IL18R1: variants seen among roughly 807,000 people sequenced by gnomAD.
The protein encoded by IL18R1 is interleukin-18 receptor 1.
Under a neutral mutation model 48.5 loss-of-function variants are expected in IL18R1, and 40 were observed. The observed-to-expected ratio is 0.82, with a 90% CI of 0.64 to 1.07. IL18R1 has a LOEUF of 1.07. Among genes scored for constraint, IL18R1 ranks in the 50% least tolerant of loss-of-function variants. The probability of loss-of-function intolerance (pLI) is 0.00; values close to 1 mark genes in which losing one functional copy is unlikely to be tolerated. For missense variants in IL18R1, 596 were observed against 633.7 expected (o/e 0.94, Z 0.64); for synonymous variants, 232 against 225.9 (o/e 1.03, Z -0.24).
chr2:102,383,864 G>A (rs905392447), intron 6 of IL18R1, among the ~76,000 whole-genome samples: 3 of 151,832 alleles, frequency 2.0e-5, no homozygotes, highest in Non-Finnish European at 4.4e-5. Flanking sequence ...CCATCCACTT[G>A]TTTATCTTTT....
In IL18R1 at chr2:102,397,944, A is replaced by G. The variant is rs1221903920; in HGVS notation, c.*1058A>G. On this transcript the variant is annotated 3_prime_UTR_variant, in exon 11 of 11. Coordinates refer to ENST00000233957, the MANE Select transcript of IL18R1 (RefSeq NM_003855.5). ...CTACCTCCCAGGGGTAACTAAATGAATAAATATAATAAAGTACTTACAGTG... is the reference window on the plus strand; with the variant it reads ...CTACCTCCCAGGGGTAACTAAATGAGTAAATATAATAAAGTACTTACAGTG... 3 of 152,216 alleles carry G rather than the reference A, an allele frequency of 2.0e-5. No individual in the cohort carries two copies. Among genetic ancestry groups the G allele is most frequent in the African/African-American group, 4.8e-5 (2 of 41,440 alleles). 9.4% of individuals were successfully genotyped at this position (152,216 alleles called of 1,614,324 possible). A position where few individuals can be genotyped will look rare whatever the true frequency, so the allele number is the denominator to read the frequency against.
At chr2:102,386,815 G>A (rs1680256484) in intron 7 of IL18R1, 46 bp from the exon 8 acceptor site, 2 of 1,599,198 alleles carry the variant, frequency 1.3e-6, no homozygotes, top group Non-Finnish European at 1.7e-6. Context: ...CCCCTCTCAA[G>A]GGTAACGAAC....
chr2:102,369,394 A>G (rs1392623714), intron 3 of IL18R1, among the ~76,000 whole-genome samples: 2 of 152,232 alleles, frequency 1.3e-5, no homozygotes, highest in Admixed American at 1.3e-4. Flanking sequence ...GCAACAATGG[A>G]AGCAAGAGAT....
intron 1 of IL18R1, among the ~76,000 whole-genome samples, chr2:102,360,299 T>G (rs1678497282): frequency 6.6e-6 from 1 of 152,268 alleles, no homozygotes; most frequent in Non-Finnish European, 1.5e-5. Context: ...AGTCTTGCTC[T>G]GTCACCTAGG....
chr2:102,358,597 C>G (rs1678392634), intron 1 of IL18R1, among the ~76,000 whole-genome samples: 1 of 152,128 alleles, frequency 6.6e-6, no homozygotes, highest in Non-Finnish European at 1.5e-5. Flanking sequence ...CCTGAGAATA[C>G]AAATAAGTGC....
intron 5 of IL18R1, among the ~76,000 whole-genome samples, chr2:102,376,713 TGTGTGTG>T: frequency 6.6e-6 from 1 of 152,188 alleles, no homozygotes; most frequent in African/African-American, 2.4e-5. Flanking sequence ...GGACCCAGGC[TGTGTGTG>T]ATGGAGGAAC....
At chr2:102,371,671 T>C (rs571733679) in intron 3 of IL18R1, among the ~76,000 whole-genome samples, 2 of 152,272 alleles carry the variant, frequency 1.3e-5, no homozygotes, top group Admixed American at 6.5e-5. Context: ...ATCCATAATA[T>C]ATTGTCTGCA....
At chr2:102,366,936 C>G (rs1678934072) in intron 2 of IL18R1, among the ~76,000 whole-genome samples, 1 of 152,198 alleles carries the variant, frequency 6.6e-6, no homozygotes, top group South Asian at 2.1e-4. Flanking sequence ...CTTTGAGAAA[C>G]AAACCCTGAC....
chr2:102,385,288 A>C (rs1680164500), intron 7 of IL18R1, among the ~76,000 whole-genome samples: 1 of 152,140 alleles, frequency 6.6e-6, no homozygotes, highest in Admixed American at 6.5e-5. Context: ...TCCGATGGGG[A>C]TGGGGATTTT....
At chr2:102,365,542 G>A (rs1371922087) in intron 2 of IL18R1, among the ~76,000 whole-genome samples, 1 of 152,170 alleles carries the variant, frequency 6.6e-6, no homozygotes, top group Non-Finnish European at 1.5e-5. Context: ...GGTGCAAGCT[G>A]TCAGTGAATC....
intron 3 of IL18R1, among the ~76,000 whole-genome samples, chr2:102,368,495 A>G (rs1362427406): frequency 6.6e-6 from 1 of 152,180 alleles, no homozygotes; most frequent in African/African-American, 2.4e-5. Flanking sequence ...GGGTTGATGC[A>G]GAAACACCCT....
Position 102,362,690 on chromosome 2 carries a change from T to G in IL18R1, c.30T>G (p.Leu10=). The G allele has an allele frequency of 6.2e-7, 1 of 1,606,392 alleles. No individual in the cohort carries two copies. Among genetic ancestry groups the G allele is most frequent in the Non-Finnish European group, 8.5e-7 (1 of 1,176,102 alleles). ...ATTGTAGAGAATTACCCTTGACCCT[T>G]TGGGTGCTTATATCTGTAAGCACTG... MNCRELPLT[L]WVLISVSTAE... is the part of the protein sequence containing the mutation. Residue 10 remains leucine (L), a synonymous_variant, in exon 2 of 11, where the codon CTT becomes CTG. Coordinates refer to ENST00000233957, the MANE Select transcript of IL18R1 (RefSeq NM_003855.5).
At position 102,372,062 on chromosome 2, in the gene IL18R1, A is replaced by C. The variant is rs1173160470; in HGVS notation, c.412A>C (p.Ile138Leu). Residue 138 changes from isoleucine (I) to leucine (L), a missense_variant, in exon 4 of 11, where the codon ATA becomes CTA. Physicochemically the swap from Ile to Leu is conservative, Grantham distance 5. Transcript: ENST00000233957. ...TGTGGAAGTTAAAAAATTTTTTCAG[A>C]TAACCTGTGAAAACAGTTACTATCA... ...KIVEVKKFFQITCENSYYQTL... is the reference protein window; with the variant it reads ...KIVEVKKFFQLTCENSYYQTL... The C allele has an allele frequency of 6.2e-7, 1 of 1,609,782 alleles. No homozygotes were observed. The highest frequency in any genetic ancestry group is 1.7e-5 in the Admixed American group (1 of 58,978).
rs556581556 is a variant in IL18R1 at position 102,381,691 on chromosome 2, C to A, written c.688+9C>A. On this transcript the variant is annotated intron_variant, in intron 6 of 10. Transcript: ENST00000233957. ...TGTTGCAGTGGAATTAGGTATATTT[C>A]AATATACATATATTCTGCATTTATA... is the stretch of plus-strand genomic sequence containing the variant. 7.6e-6 allele frequency: 12 copies of A among 1,571,446 alleles called. No individual in the cohort carries two copies. The South Asian group carries it at 1.1e-4, about 15-fold the overall frequency.
chr2:102,366,381 G>A (rs1369114129), intron 2 of IL18R1, among the ~76,000 whole-genome samples: 2 of 152,152 alleles, frequency 1.3e-5, no homozygotes, highest in Non-Finnish European at 2.9e-5. Flanking sequence ...CCTCAGCCTG[G>A]ACTTTATTGT....
intron 7 of IL18R1, among the ~76,000 whole-genome samples, chr2:102,385,790 A>T (rs1680189685): frequency 6.6e-6 from 1 of 152,174 alleles, no homozygotes; most frequent in Non-Finnish European, 1.5e-5. Flanking sequence ...AAATTTGTGG[A>T]TCTCCTGCCA....
chr2:102,377,517 C>T (rs545023661), intron 5 of IL18R1, among the ~76,000 whole-genome samples: 3 of 152,272 alleles, frequency 2.0e-5, no homozygotes, highest in South Asian at 2.1e-4. Context: ...GGGGTTTCAC[C>T]GTGTTAGCCA....
Position 102,355,821 on chromosome 2 carries a change from G to A in IL18R1, c.-608G>A, listed in dbSNP as rs1336449069. The A allele has an allele frequency of 6.6e-6, 1 of 152,274 alleles. No individual in the cohort carries two copies. The highest frequency in any genetic ancestry group is 1.5e-5 in the Non-Finnish European group (1 of 68,074). The allele number at this position is 152,274 out of a possible 1,614,324, so 9.4% of individuals were successfully genotyped here. A position where few individuals can be genotyped will look rare whatever the true frequency, so the allele number is the denominator to read the frequency against. ...GGGACCCGCGCCGCGCGGCTGGGCA[G>A]GAAGCGCCAGACGCCTGGGGCCCAC... On this transcript the variant is annotated 5_prime_UTR_variant, in exon 1 of 11. Transcript: ENST00000233957.
rs4851569 is a variant in IL18R1, at chr2:102,366,787, C to A, written c.59-1038C>A. ...AACTCACTCACTATCATGAGAACAG[C>A]ATGAGGGTGACTGCCCCCATGATTA... On this transcript the variant is annotated intron_variant, in intron 2 of 10. Transcript: ENST00000233957. Among the ~76,000 whole-genome samples the A allele has an allele frequency of 0.34, 50,956 of 152,032 alleles. 9,016 individuals carry two copies. Among genetic ancestry groups the A allele is most frequent in the Middle Eastern group, 0.53 (155 of 294 alleles).
Sources: allele counts gnomAD v4.1 joint callset (sites outside exome capture counted in the v4.1 genomes callset), GRCh38; gene constraint gnomAD v4.1.1; transcripts MANE v1.5; gene names NCBI Gene and HGNC (gene_info 2026-07-23, HGNC 2026-07-21).